Variants in PTPRD observed in about 807,000 individuals in gnomAD.
The protein encoded by PTPRD is protein tyrosine phosphatase receptor type D, also known as receptor-type tyrosine-protein phosphatase delta.
Under a neutral mutation model 214.5 loss-of-function variants are expected in PTPRD, and 34 were observed. The ratio of observed to expected loss-of-function variants is 0.16; its 90% CI spans 0.12 to 0.21. The LOEUF (loss-of-function observed/expected upper bound fraction) is 0.21, where lower values mean the gene tolerates loss of function less well. PTPRD is among the 10% of genes least tolerant of loss of function. The probability of loss-of-function intolerance (pLI) is 1.00; values close to 1 mark genes in which losing one functional copy is unlikely to be tolerated. For synonymous variants in PTPRD, 1,128 were observed against 845.7 expected, an observed-to-expected ratio of 1.33 and a Z score of -5.79; for missense variants, 2,545 against 2,398.7, an observed-to-expected ratio of 1.06 and a Z score of -1.27.
intron 34 of PTPRD, among the ~76,000 whole-genome samples, chr9:8,448,416 G>A (rs75533570): frequency 0.03 from 4,563 of 152,106 alleles, 229 homozygotes; most frequent in African/African-American, 0.1. Flanking sequence ...TTCAAAAAGC[G>A]CTGACCCAAT....
intron 3 of PTPRD, among the ~76,000 whole-genome samples, chr9:10,307,515 A>G (rs1369674039): frequency 2.0e-5 from 3 of 152,118 alleles, no homozygotes; most frequent in Admixed American, 1.3e-4. Context: ...TAGAGCTACA[A>G]TATACATGGA....
intron 14 of PTPRD, among the ~76,000 whole-genome samples, chr9:8,586,690 C>T (rs1032058969): frequency 4.6e-5 from 7 of 152,240 alleles, no homozygotes; most frequent in Admixed American, 6.5e-5. Context: ...CCCCCAGTCA[C>T]TGTCTATGCC....
chr9:9,828,637 A>G (rs1290790820), intron 5 of PTPRD, among the ~76,000 whole-genome samples: 1 of 152,094 alleles, frequency 6.6e-6, no homozygotes, highest in Non-Finnish European at 1.5e-5. Context: ...TGTACCATAA[A>G]ACTTAAAGTA....
At chr9:10,558,656 G>A (rs996324237) in intron 2 of PTPRD, among the ~76,000 whole-genome samples, 1 of 152,146 alleles carries the variant, frequency 6.6e-6, no homozygotes. Flanking sequence ...CTATTTGGTA[G>A]GTTCTTCCCA....
intron 12 of PTPRD, among the ~76,000 whole-genome samples, chr9:8,732,764 G>T (rs567830695): frequency 6.6e-6 from 1 of 152,098 alleles, no homozygotes; most frequent in East Asian, 1.9e-4. Flanking sequence ...GCAATTGGTG[G>T]CTCGTGAGGG....
intron 14 of PTPRD, among the ~76,000 whole-genome samples, chr9:8,552,717 G>A (rs1193485745): frequency 1.3e-5 from 2 of 152,156 alleles, no homozygotes; most frequent in Non-Finnish European, 2.9e-5. Context: ...GCAACCCCAA[G>A]AATACCTACT....
chr9:10,223,595 C>T (rs1385007008), intron 3 of PTPRD, among the ~76,000 whole-genome samples: 3 of 150,934 alleles, frequency 2.0e-5, no homozygotes, highest in East Asian at 2.0e-4. Flanking sequence ...ACTTGGGAGA[C>T]GGAGGTTGCA....
chr9:9,231,503 T>C (rs949776082), intron 9 of PTPRD, among the ~76,000 whole-genome samples: 2 of 152,138 alleles, frequency 1.3e-5, no homozygotes, highest in Non-Finnish European at 2.9e-5. Flanking sequence ...AATTGGACAA[T>C]TGAGTACCAT....
At chr9:9,659,545 G>A (rs1487759968) in intron 7 of PTPRD, among the ~76,000 whole-genome samples, 3 of 151,878 alleles carry the variant, frequency 2.0e-5, no homozygotes, top group African/African-American at 7.2e-5. Context: ...TTAAACCCCT[G>A]GGCATTCCAA....
At chr9:8,723,616 T>G (rs2098525596) in intron 12 of PTPRD, among the ~76,000 whole-genome samples, 1 of 152,194 alleles carries the variant, frequency 6.6e-6, no homozygotes, top group Non-Finnish European at 1.5e-5. Flanking sequence ...GAAATTTGTT[T>G]TAAAAGATAA....
intron 11 of PTPRD, among the ~76,000 whole-genome samples, chr9:8,994,955 G>C (rs932721271): frequency 8.5e-5 from 13 of 152,052 alleles, no homozygotes; most frequent in African/African-American, 3.1e-4. Context: ...AGTGATTGGT[G>C]TAATTTTCAA....
At chr9:9,359,309 A>C (rs1245744823) in intron 9 of PTPRD, among the ~76,000 whole-genome samples, 1 of 151,304 alleles carries the variant, frequency 6.6e-6, no homozygotes, top group Non-Finnish European at 1.5e-5. Flanking sequence ...GAAGCTATTT[A>C]TGATTTTTCT....
intron 8 of PTPRD, among the ~76,000 whole-genome samples, chr9:9,547,576 A>C (rs1426570254): frequency 6.6e-6 from 1 of 152,064 alleles, no homozygotes; most frequent in Non-Finnish European, 1.5e-5. Context: ...ACTGACACTC[A>C]TAGTAAAGGC....
intron 14 of PTPRD, among the ~76,000 whole-genome samples, chr9:8,546,715 G>A (rs2080275872): frequency 6.6e-6 from 1 of 152,044 alleles, no homozygotes. Context: ...GGCCAGGCTG[G>A]TCTTGAACTC....
intron 8 of PTPRD, among the ~76,000 whole-genome samples, chr9:9,467,587 C>CAAAAAA (rs1569568593): frequency 7.2e-5 from 1 of 13,884 alleles, no homozygotes; most frequent in African/African-American, 2.5e-4. Context: ...ACTCCATCTC[C>CAAAAAA]CAAAAAAAAA....
At chr9:8,459,586 C>A (rs947938413) in intron 33 of PTPRD, among the ~76,000 whole-genome samples, 1 of 151,912 alleles carries the variant, frequency 6.6e-6, no homozygotes, top group Admixed American at 6.6e-5. Context: ...TGTCCTCTAT[C>A]TAACTGACTG....
chr9:10,271,482 T>G (rs1294129406), intron 3 of PTPRD, among the ~76,000 whole-genome samples: 1 of 151,790 alleles, frequency 6.6e-6, no homozygotes, highest in African/African-American at 2.4e-5. Context: ...CTCAAGTGTT[T>G]TCTTATAAAT....
intron 8 of PTPRD, among the ~76,000 whole-genome samples, chr9:9,544,842 A>C (rs1301358898): frequency 2.0e-5 from 3 of 151,740 alleles, no homozygotes; most frequent in Admixed American, 6.6e-5. Flanking sequence ...TTCAACTATA[A>C]TAGTGAATTA....
At chr9:10,530,118 G>A (rs1024034151) in intron 2 of PTPRD, among the ~76,000 whole-genome samples, 8 of 152,062 alleles carry the variant, frequency 5.3e-5, no homozygotes, top group African/African-American at 1.9e-4. Context: ...CCGTACTTAA[G>A]AATATTTAGA....
Sources: gnomAD v4.1 joint callset for allele counts (sites outside exome capture counted in the v4.1 genomes callset) on GRCh38, gnomAD v4.1.1 for gene constraint, MANE v1.5 for transcripts, NCBI Gene and HGNC (gene_info 2026-07-23, HGNC 2026-07-21) for gene names.